Variants in MFSD6 observed in about 807,000 individuals in gnomAD.
The protein encoded by MFSD6 is major facilitator superfamily domain containing 6, also known as major facilitator superfamily domain-containing protein 6.
In MFSD6, 26 loss-of-function variants were observed where a neutral mutation model predicts 56.3. The observed-to-expected ratio is 0.46, with a 90% CI of 0.34 to 0.64. The LOEUF (loss-of-function observed/expected upper bound fraction) is 0.64, where lower values mean the gene tolerates loss of function less well. MFSD6 is among the 30% of genes least tolerant of loss of function. The pLI is 0.01. For missense variants in MFSD6, 750 were observed against 986.2 expected, an observed-to-expected ratio of 0.76 and a Z score of 3.21; for synonymous variants, 331 against 366.9, an observed-to-expected ratio of 0.90 and a Z score of 1.12.
In MFSD6 at chr2:190,485,176, T is replaced by G. The variant is rs1257767790; in HGVS notation, c.1631-3481T>G. On this transcript the variant is annotated intron_variant, in intron 4 of 7. Coordinates refer to ENST00000392328, the MANE Select transcript of MFSD6 (RefSeq NM_017694.4). This position sits in a 1 kb window ranked among gnomAD's most constrained non-coding sequence, Gnocchi z 5.1. ...CAAAGTTTTAGAAAATGATTAGAAT[T>G]TCTGAGAGGGGGAAAATAGATACAA... is the stretch of plus-strand genomic sequence containing the variant. Among the ~76,000 whole-genome samples the G allele has an allele frequency of 6.6e-6, 1 of 152,208 alleles. No individual in the cohort carries two copies. The highest frequency in any genetic ancestry group is 2.4e-5 in the African/African-American group (1 of 41,456).
In MFSD6 at chr2:190,437,459, G is replaced by C; in HGVS notation, c.1430G>C (p.Gly477Ala). 6.2e-7 allele frequency: 1 copy of C among 1,614,184 alleles called. No homozygotes were observed. Among genetic ancestry groups the C allele is most frequent in the Non-Finnish European group, 8.5e-7 (1 of 1,180,038 alleles). Residue 477 changes from glycine to alanine, a missense_variant, in exon 3 of 8, where the codon GGA (glycine) becomes GCA (alanine). Transcript: ENST00000392328. The surrounding 1 kb of genome is among the most constrained non-coding windows in gnomAD (Gnocchi z 5.9). ...TACTGGCATTTGGAAGACCTCAATG[G>C]AACTACAACCCTCTTTGGGGTCTGT... Reference protein sequence around the residue: ...FLYWHLEDLNGTTTLFGVCSV... With the variant: ...FLYWHLEDLNATTTLFGVCSV...
At position 190,410,925 on chromosome 2, in the gene MFSD6, G is replaced by A. The variant is rs1005694868; in HGVS notation, c.-176+2422G>A. Among the ~76,000 whole-genome samples the A allele has an allele frequency of 9.9e-5, 15 of 151,730 alleles. No individual in the cohort carries two copies. Among genetic ancestry groups the A allele is most frequent in the Non-Finnish European group, 1.3e-4 (9 of 67,918 alleles). ...ACAAAAATTAGCTGAGCGTGGTGGC[G>A]GGCGCCTGGAATCCCAGCTACTCAG... On this transcript the variant is annotated intron_variant, in intron 1 of 7. Transcript: ENST00000392328. This position sits in a 1 kb window ranked among gnomAD's most constrained non-coding sequence, Gnocchi z 4.4.
chr2:190,442,555 G>A (rs936678697), intron 3 of MFSD6: 14 of 151,992 alleles, frequency 9.2e-5, no homozygotes, highest in South Asian at 2.1e-4. Context: ...AGTAAGAGAC[G>A]GTACAGGCCT....
rs1345570483 is a variant in MFSD6, at chr2:190,436,961, C to T, written c.932C>T (p.Thr311Met). ...GCCTCTTCTGTCACAATCGTAGACACGGTCACACTCCAGTATCTGGGAAAA... is the reference window on the plus strand; with the variant it reads ...GCCTCTTCTGTCACAATCGTAGACATGGTCACACTCCAGTATCTGGGAAAA... ...FSASSVTIVD[T>M]VTLQYLGKHR... Residue 311 changes from threonine (T) to methionine (M), a missense_variant, in exon 3 of 8, where the codon ACG becomes ATG. By Grantham distance (81) the Thr-to-Met change is moderately conservative. Transcript: ENST00000392328. The surrounding 1 kb of genome is among the most constrained non-coding windows in gnomAD (Gnocchi z 5.3). The T allele has an allele frequency of 7.4e-6, 12 of 1,614,116 alleles. No homozygotes were observed. Among genetic ancestry groups the T allele is most frequent in the South Asian group, 4.4e-5 (4 of 91,086 alleles).
chr2:190,473,442 C>A (rs916476070), intron 4 of MFSD6, among the ~76,000 whole-genome samples: 8 of 152,082 alleles, frequency 5.3e-5, no homozygotes, highest in African/African-American at 1.9e-4. Context: ...CAATCCTGGT[C>A]TCTGATAAAA....
chr2:190,498,838 G>A lies in MFSD6; in HGVS notation c.2172+1119G>A, dbSNP rs1252938457. 6.6e-6 allele frequency among the ~76,000 whole-genome samples: 1 copy of A among 152,006 alleles called. No homozygotes were observed. The highest frequency in any genetic ancestry group is 1.5e-5 in the Non-Finnish European group (1 of 68,008). On this transcript the variant is annotated intron_variant, in intron 7 of 7. Coordinates refer to ENST00000392328, the MANE Select transcript of MFSD6 (RefSeq NM_017694.4). The surrounding 1 kb of genome is among the most constrained non-coding windows in gnomAD (Gnocchi z 5.9). ...ATTTTTGATGTGGCGCTTTTTTTCT[G>A]GTATGTTAGGATTAATAAATTTTTT...
chr2:190,489,644 A>G lies in MFSD6; in HGVS notation c.1793-124A>G. 2 of 847,432 alleles carry G rather than the reference A, an allele frequency of 2.4e-6. No individual in the cohort carries two copies. The highest frequency in any genetic ancestry group is 2.9e-5 in the Admixed American group (1 of 35,030). 52.5% of individuals were successfully genotyped at this position (847,432 alleles called of 1,614,324 possible). Reference sequence around the variant, plus strand: ...CATTATGTGGAGCTAATACCCAACTACTTTTCTCTGGTTTGTCTCAAGCTG... The same window carrying G: ...CATTATGTGGAGCTAATACCCAACTGCTTTTCTCTGGTTTGTCTCAAGCTG... On this transcript the variant is annotated intron_variant, in intron 5 of 7. Transcript: ENST00000392328. This position sits in a 1 kb window ranked among gnomAD's most constrained non-coding sequence, Gnocchi z 6.6.
intron 3 of MFSD6, among the ~76,000 whole-genome samples, chr2:190,449,440 C>T (rs1686695441): frequency 6.6e-6 from 1 of 151,854 alleles, no homozygotes; most frequent in Non-Finnish European, 1.5e-5. Context: ...CACCACTGCA[C>T]ACCCGCCTAG....
chr2:190,484,352 T>C (rs1191644263), intron 4 of MFSD6, among the ~76,000 whole-genome samples: 1 of 152,214 alleles, frequency 6.6e-6, no homozygotes, highest in East Asian at 1.9e-4. Flanking sequence ...GCTTATTTCA[T>C]CACATAAAGA....
rs1034879787 is a variant in MFSD6 at position 190,431,452 on chromosome 2, C to A, written c.-53-4525C>A. Among the ~76,000 whole-genome samples the A allele has an allele frequency of 6.6e-6, 1 of 152,256 alleles. No individual in the cohort carries two copies. ...GTGAACGAGACTCCGTCTGCAATCC[C>A]GGCACCTCTGGAGGCCGAGGCTGGC... On this transcript the variant is annotated intron_variant, in intron 2 of 7. Transcript: ENST00000392328. This position sits in a 1 kb window ranked among gnomAD's most constrained non-coding sequence, Gnocchi z 4.4.
rs748640528 is a variant in MFSD6, at chr2:190,492,467, G to A, written c.1891+2601G>A. On this transcript the variant is annotated intron_variant, in intron 6 of 7. Coordinates refer to ENST00000392328, the MANE Select transcript of MFSD6 (RefSeq NM_017694.4). The surrounding 1 kb of genome is among the most constrained non-coding windows in gnomAD (Gnocchi z 5.2). ...AGATTTCTCAGCAGAAACCCTACAAGCTAGAAGGGATTGAGGCCCTATGTT... is the reference window on the plus strand; with the variant it reads ...AGATTTCTCAGCAGAAACCCTACAAACTAGAAGGGATTGAGGCCCTATGTT... 1.6e-4 allele frequency among the ~76,000 whole-genome samples: 25 copies of A among 152,138 alleles called. No individual in the cohort carries two copies. The highest frequency in any genetic ancestry group is 6.5e-5 in the Admixed American group (1 of 15,278).
In MFSD6 at chr2:190,456,058, AG is replaced by A. The variant is rs1687023107; in HGVS notation, c.1533-13699del. On this transcript the variant is annotated intron_variant, in intron 3 of 7. Coordinates refer to ENST00000392328, the MANE Select transcript of MFSD6 (RefSeq NM_017694.4). This position sits in a 1 kb window ranked among gnomAD's most constrained non-coding sequence, Gnocchi z 5.4. ...TGGGTTCAAGCAGTTCTCCTGTGTC[AG>A]CCTCTCTTGTAGCTGGGATTACAGG... Among the ~76,000 whole-genome samples, 1 of 140,736 alleles carries A rather than the reference AG, an allele frequency of 7.1e-6. No homozygotes were observed. Among genetic ancestry groups the A allele is most frequent in the South Asian group, 2.3e-4 (1 of 4,306 alleles). 92.3% of individuals were successfully genotyped at this position (140,736 alleles called of 152,430 possible).
intron 4 of MFSD6, among the ~76,000 whole-genome samples, chr2:190,479,332 T>C (rs1458903362): frequency 1.3e-5 from 2 of 152,152 alleles, no homozygotes; most frequent in Non-Finnish European, 2.9e-5. Flanking sequence ...GGTAATACCA[T>C]ATAAAGAAGC....
intron 3 of MFSD6, among the ~76,000 whole-genome samples, chr2:190,440,655 A>C (rs1188439458): frequency 6.6e-6 from 1 of 152,196 alleles, no homozygotes; most frequent in Non-Finnish European, 1.5e-5. Context: ...ATTTGATTTA[A>C]ATTTATTTAC....
At position 190,454,279 on chromosome 2, in the gene MFSD6, T is replaced by A. The variant is rs949368228; in HGVS notation, c.1533-15479T>A. The A allele has an allele frequency of 3.3e-5, 5 of 151,420 alleles. No homozygotes were observed. The highest frequency in any genetic ancestry group is 1.2e-4 in the African/African-American group (5 of 41,204). 9.4% of individuals were successfully genotyped at this position (151,420 alleles called of 1,614,324 possible). ...ACGGTTCATGGAGCCCCTGGGGAGG[T>A]TTCCAATTGTGTTAGAGAGTGAAGG... On this transcript the variant is annotated intron_variant, in intron 3 of 7. Transcript: ENST00000392328. This position sits in a 1 kb window ranked among gnomAD's most constrained non-coding sequence, Gnocchi z 4.6.
rs1486974075 is a variant in MFSD6, at chr2:190,431,833, A to G, written c.-53-4144A>G. On this transcript the variant is annotated intron_variant, in intron 2 of 7. Transcript: ENST00000392328. This position sits in a 1 kb window ranked among gnomAD's most constrained non-coding sequence, Gnocchi z 4.4. The stretch of plus-strand genomic sequence containing the variant: ...CATCTCAATTTTTCATTTATGCTAT[A>G]ATACTTATAAATTCCAGAGCTTTTT... Among the ~76,000 whole-genome samples the G allele has an allele frequency of 2.0e-5, 3 of 152,252 alleles. No homozygotes were observed. The highest frequency in any genetic ancestry group is 4.4e-5 in the Non-Finnish European group (3 of 68,038).
intron 3 of MFSD6, among the ~76,000 whole-genome samples, chr2:190,446,949 T>C (rs1427542876): frequency 1.3e-5 from 2 of 152,204 alleles, no homozygotes; most frequent in South Asian, 2.1e-4. Flanking sequence ...TCTGAAAATA[T>C]GGTAGGCCTG....
chr2:190,480,386 A>G (rs79517012), intron 4 of MFSD6, among the ~76,000 whole-genome samples: 1 of 146,918 alleles, frequency 6.8e-6, no homozygotes, highest in Non-Finnish European at 1.5e-5. Context: ...TACTATAGTT[A>G]GTAGTTTATA....
upstream of MFSD6, chr2:190,408,289 C>T (rs1690385226): frequency 6.7e-6 from 1 of 148,864 alleles, no homozygotes; most frequent in African/African-American, 2.4e-5. Flanking sequence ...GGCCCTCCGC[C>T]TCCGTCCTCC....
Sources: allele counts gnomAD v4.1 joint callset (sites outside exome capture counted in the v4.1 genomes callset), GRCh38; gene constraint gnomAD v4.1.1; non-coding constraint Gnocchi (gnomAD v3.1); transcripts MANE v1.5; gene names NCBI Gene and HGNC (gene_info 2026-07-23, HGNC 2026-07-21).